FAM83F: variants seen among roughly 807,000 people sequenced by gnomAD.
The protein encoded by FAM83F is scaffolding CK1 anchoring protein F, also known as protein FAM83F.
In FAM83F, 45 loss-of-function variants were observed where a neutral mutation model predicts 42.9. That is an observed-to-expected ratio of 1.05 (90% CI 0.83 to 1.35). FAM83F has a LOEUF of 1.35. FAM83F is among the 40% of genes most tolerant of loss of function. The probability of loss-of-function intolerance (pLI) is 0.00; values close to 1 mark genes in which losing one functional copy is unlikely to be tolerated. For missense variants in FAM83F, 617 were observed against 695.9 expected, an observed-to-expected ratio of 0.89 and a Z score of 1.28; for synonymous variants, 306 against 298.3, an observed-to-expected ratio of 1.03 and a Z score of -0.27.
At position 40,037,564 on chromosome 22, in the gene FAM83F, G is replaced by A. The variant is rs1325912755; in HGVS notation, c.*7999G>A. The A allele has an allele frequency of 1.3e-5, 2 of 152,214 alleles. No homozygotes were observed. Among genetic ancestry groups the A allele is most frequent in the Non-Finnish European group, 2.9e-5 (2 of 68,066 alleles). 9.4% of individuals were successfully genotyped at this position (152,214 alleles called of 1,614,324 possible). A position where few individuals can be genotyped will look rare whatever the true frequency, so the allele number is the denominator to read the frequency against. On this transcript the variant is annotated 3_prime_UTR_variant, in exon 5 of 5. Coordinates refer to ENST00000333407, the MANE Select transcript of FAM83F (RefSeq NM_138435.4). ...GTTTACCTTGTCATTGTTCTGTCAA[G>A]AGGAATTCACTAGTCTCACTCCTCC...
At chr22:40,001,297 G>C (rs2067400255) in intron 1 of FAM83F, among the ~76,000 whole-genome samples, 1 of 152,142 alleles carries the variant, frequency 6.6e-6, no homozygotes, top group Non-Finnish European at 1.5e-5. Context: ...CCTCTCTAAA[G>C]CTCCTGGCTG....
In FAM83F at chr22:40,021,968, G is replaced by C. The variant is rs758133724; in HGVS notation, c.1453+5G>C. On this transcript the variant is annotated splice_donor_5th_base_variant and intron_variant, in intron 4 of 4. Transcript: ENST00000333407. This position sits in a 1 kb window ranked among gnomAD's most constrained non-coding sequence, Gnocchi z 8.7. ...ATTCCAGTGCTGACATCTCAGGTGAGCCCTCTTCCCTCTGGCCTGGTGCCT... is the reference window on the plus strand; with the variant it reads ...ATTCCAGTGCTGACATCTCAGGTGACCCCTCTTCCCTCTGGCCTGGTGCCT... 6.5e-7 allele frequency: 1 copy of C among 1,539,696 alleles called. No homozygotes were observed. Among genetic ancestry groups the C allele is most frequent in the East Asian group, 2.3e-5 (1 of 44,128 alleles).
chr22:39,997,001 C>G (rs1365997356), intron 1 of FAM83F, among the ~76,000 whole-genome samples: 1 of 152,178 alleles, frequency 6.6e-6, no homozygotes, highest in Admixed American at 6.5e-5. Context: ...ATGTGCCATC[C>G]ACTGTGTTAA....
At chr22:40,025,461 A>G (rs1043973795) in intron 4 of FAM83F, among the ~76,000 whole-genome samples, 11 of 152,114 alleles carry the variant, frequency 7.2e-5, no homozygotes, top group Admixed American at 4.6e-4. Context: ...AAATGCAACA[A>G]ATACGCTTGG....
In FAM83F at chr22:40,033,494, T is replaced by C. The variant is rs73416414; in HGVS notation, c.*3929T>C. On this transcript the variant is annotated 3_prime_UTR_variant, in exon 5 of 5. Transcript: ENST00000333407. ...AGTCTGTTCCTTGAGCTCAGGGTCT[T>C]GGCAATGGTGATGCTTTGGAGCTGC... 0.06 allele frequency: 9,097 copies of C among 152,406 alleles called. 830 individuals carry two copies. The highest frequency in any genetic ancestry group is 0.2 in the African/African-American group (8,251 of 41,520). 9.4% of individuals were successfully genotyped at this position (152,406 alleles called of 1,614,324 possible).
Position 39,995,481 on chromosome 22 carries a change from G to A in FAM83F, c.439G>A (p.Ala147Thr), listed in dbSNP as rs2067369646. The A allele has an allele frequency of 6.3e-7, 1 of 1,578,398 alleles. No homozygotes were observed. Among genetic ancestry groups the A allele is most frequent in the Non-Finnish European group, 8.6e-7 (1 of 1,161,816 alleles). Residue 147 changes from alanine to threonine, a missense_variant, in exon 1 of 5, where the codon GCG becomes ACG. Coordinates refer to ENST00000333407, the MANE Select transcript of FAM83F (RefSeq NM_138435.4). The surrounding 1 kb of genome is among the most constrained non-coding windows in gnomAD (Gnocchi z 4.6). ...LFTHPPKDEKAPHLKQVVRQM... is the reference protein window; with the variant it reads ...LFTHPPKDEKTPHLKQVVRQM... ...CACCCACCCGCCCAAGGACGAGAAG[G>A]CGCCGCACCTCAAGCAGGTGGTCAG... is the stretch of plus-strand genomic sequence containing the variant.
At chr22:40,007,615 TCTCTTC>T (rs2067442954) in intron 1 of FAM83F, among the ~76,000 whole-genome samples, 1 of 96,798 alleles carries the variant, frequency 1.0e-5, no homozygotes, top group Admixed American at 1.1e-4. Context: ...TCTCTTCTCC[TCTCTTC>T]CTCCTCTCCT....
At chr22:40,029,334 T>C (rs1051242752) in intron 4 of FAM83F, among the ~76,000 whole-genome samples, 182 bp from the exon 5 acceptor site, 2 of 152,126 alleles carry the variant, frequency 1.3e-5, no homozygotes, top group African/African-American at 4.8e-5. Context: ...ACAGGCAGAA[T>C]CTTCCCTTCT....
At chr22:39,997,197 A>G (rs2067376699) in intron 1 of FAM83F, among the ~76,000 whole-genome samples, 1 of 152,242 alleles carries the variant, frequency 6.6e-6, no homozygotes, top group African/African-American at 2.4e-5. Context: ...ACACTGCCCC[A>G]GTGTCTGAAA....
At chr22:40,025,998 C>T (rs142979908) in intron 4 of FAM83F, among the ~76,000 whole-genome samples, 10 of 152,314 alleles carry the variant, frequency 6.6e-5, no homozygotes, top group African/African-American at 1.7e-4. Flanking sequence ...TTTGAAGTGG[C>T]GAGAGACATG....
chr22:40,010,320 G>A (rs2067456108), intron 1 of FAM83F, among the ~76,000 whole-genome samples: 1 of 152,234 alleles, frequency 6.6e-6, no homozygotes, highest in Non-Finnish European at 1.5e-5. Context: ...AGACTGGGGA[G>A]CTGGTTCCCC....
At position 40,002,261 on chromosome 22, in the gene FAM83F, A is replaced by G. The variant is rs2067406505; in HGVS notation, c.489+6730A>G. On this transcript the variant is annotated intron_variant, in intron 1 of 4. Coordinates refer to ENST00000333407, the MANE Select transcript of FAM83F (RefSeq NM_138435.4). ...CAGGGCAGCCTGGAAAGACTCCCCA[A>G]GTTCTTTTAGTTCTGGAGAACTAAA... 4.6e-5 allele frequency among the ~76,000 whole-genome samples: 7 copies of G among 152,318 alleles called. No individual in the cohort carries two copies. In the South Asian group the frequency reaches 1.5e-3, roughly 32 times the overall value.
rs368869047 is a variant in FAM83F, at chr22:40,019,235, G to A, written c.557G>A (p.Cys186Tyr). Residue 186 changes from cysteine to tyrosine, a missense_variant, in exon 2 of 5, where the codon TGT becomes TAT. Physicochemically the swap from Cys to Tyr is radical, Grantham distance 194. Coordinates refer to ENST00000333407, the MANE Select transcript of FAM83F (RefSeq NM_138435.4). The stretch of plus-strand genomic sequence containing the variant: ...TTTCAAGACATTGTGGATGCTGCCT[G>A]TAAGCGCCGGGTCCCAGTGTACATC... ...DIFQDIVDAACKRRVPVYIIL... is the reference protein window; with the variant it reads ...DIFQDIVDAAYKRRVPVYIIL... 2.6e-5 allele frequency: 42 copies of A among 1,614,082 alleles called. No homozygotes were observed. Among genetic ancestry groups the A allele is most frequent in the Non-Finnish European group, 3.5e-5 (41 of 1,180,042 alleles).
At position 40,019,023 on chromosome 22, in the gene FAM83F, G is replaced by T. The variant is rs113396889; in HGVS notation, c.490-145G>T. ...GCTCAGATATGCTCAAAGATCGGGGGACGTGGAACTCCAGGAATGGTACAG... is the reference window on the plus strand; with the variant it reads ...GCTCAGATATGCTCAAAGATCGGGGTACGTGGAACTCCAGGAATGGTACAG... On this transcript the variant is annotated intron_variant, in intron 1 of 4. Transcript: ENST00000333407. 1.3e-3 allele frequency: 1,179 copies of T among 897,094 alleles called. 14 individuals are homozygous for T. The African/African-American group carries it at 0.018, about 13-fold the overall frequency. The allele number at this position is 897,094 out of a possible 1,614,324, so 55.6% of individuals were successfully genotyped here.
At chr22:40,015,815 C>T (rs186444420) in intron 1 of FAM83F, among the ~76,000 whole-genome samples, 2 of 152,206 alleles carry the variant, frequency 1.3e-5, no homozygotes, top group African/African-American at 4.8e-5. Flanking sequence ...TCTCATTTAT[C>T]TCATGTCTTA....
rs2067522565 is a variant in FAM83F, at chr22:40,021,643, TG to T, written c.1135del (p.Val379LeufsTer18). On this transcript the variant is annotated frameshift_variant, in exon 4 of 5. Coordinates refer to ENST00000333407, the MANE Select transcript of FAM83F (RefSeq NM_138435.4). LOFTEE classifies it high-confidence loss of function. This position sits in a 1 kb window ranked among gnomAD's most constrained non-coding sequence, Gnocchi z 8.7. ...AWRLESFLKDLVTVEQVLPPV... is the reference protein window; with the variant it reads ...AWRLESFLKDXVTVEQVLPPV... The stretch of plus-strand genomic sequence containing the variant: ...CGCCTGGAGAGCTTCCTGAAAGACC[TG>T]GTTACGGTGGAGCAGGTGCTGCCCC... The T allele has an allele frequency of 6.3e-7, 1 of 1,594,468 alleles. No homozygotes were observed. The highest frequency in any genetic ancestry group is 8.6e-7 in the Non-Finnish European group (1 of 1,165,482).
Position 40,023,333 on chromosome 22 carries a change from G to T in FAM83F, c.1453+1370G>T, listed in dbSNP as rs1406846694. Among the ~76,000 whole-genome samples, 1 of 148,894 alleles carries T rather than the reference G, an allele frequency of 6.7e-6. No homozygotes were observed. The highest frequency in any genetic ancestry group is 6.6e-5 in the Admixed American group (1 of 15,072). On this transcript the variant is annotated intron_variant, in intron 4 of 4. Coordinates refer to ENST00000333407, the MANE Select transcript of FAM83F (RefSeq NM_138435.4). The surrounding 1 kb of genome is among the most constrained non-coding windows in gnomAD (Gnocchi z 4.1). ...ATCCCCATTCCTCCTGGGCTCCCTG[G>T]CTCCCCTAACACCAGCTGCTGCTGC...
Position 40,042,062 on chromosome 22 carries a change from G to C in FAM83F, c.*12497G>C, listed in dbSNP as rs895509761. 2 of 152,092 alleles carry C rather than the reference G, an allele frequency of 1.3e-5. No homozygotes were observed. The highest frequency in any genetic ancestry group is 4.8e-5 in the African/African-American group (2 of 41,406). The allele number at this position is 152,092 out of a possible 1,614,324, so 9.4% of individuals were successfully genotyped here. On this transcript the variant is annotated 3_prime_UTR_variant, in exon 5 of 5. Coordinates refer to ENST00000333407, the MANE Select transcript of FAM83F (RefSeq NM_138435.4). Reference sequence around the variant, plus strand: ...CTTTTTGTAGAAATGGGCTCTGCCTGTGTTGCTCTAGCTAGTCTCAAGCTC... The same window carrying C: ...CTTTTTGTAGAAATGGGCTCTGCCTCTGTTGCTCTAGCTAGTCTCAAGCTC...
chr22:40,020,048 G>A (rs771256282), intron 3 of FAM83F, 40 bp downstream of exon 3: 1 of 1,581,548 alleles, frequency 6.3e-7, no homozygotes, highest in Non-Finnish European at 8.6e-7. Context: ...AGGAGGCCTT[G>A]ATTCCAGGTA....
Sources: gnomAD v4.1 joint callset for allele counts (sites outside exome capture counted in the v4.1 genomes callset) on GRCh38, gnomAD v4.1.1 for gene constraint, Gnocchi (gnomAD v3.1) non-coding constraint, MANE v1.5 for transcripts, NCBI Gene and HGNC (gene_info 2026-07-23, HGNC 2026-07-21) for gene names.